The following CLIC1 variants were observed in gnomAD, a reference collection of about 807,000 sequenced individuals.
The protein encoded by CLIC1 is CLIC family member 1.
A neutral mutation model predicts 26.4 loss-of-function variants in CLIC1; 16 were observed. The ratio of observed to expected loss-of-function variants is 0.61; its 90% CI spans 0.41 to 0.92. CLIC1 has a LOEUF of 0.92. CLIC1 is among the 40% of genes least tolerant of loss of function. The pLI, the probability that CLIC1 is intolerant of heterozygous loss-of-function variation, is 0.00. For synonymous variants in CLIC1, 98 were observed against 120.8 expected (o/e 0.81, Z 1.24); for missense variants, 225 against 289.7 (o/e 0.78, Z 1.62).
chr6:31,734,392 T>C lies in CLIC1; in HGVS notation c.40-129A>G. On this transcript the variant is annotated intron_variant, in intron 1 of 5. Coordinates refer to ENST00000375784, the Ensembl canonical transcript of CLIC1. The surrounding 1 kb of genome is among the most constrained non-coding windows in gnomAD (Gnocchi z 5.3). ...TGACACATACACTGTCCCCTCACTA[T>C]GGGCTCTTTGCCCTTGGGCCTGGGT... The C allele has an allele frequency of 1.4e-6, 1 of 703,804 alleles. No individual in the cohort carries two copies. Among genetic ancestry groups the C allele is most frequent in the South Asian group, 1.7e-5 (1 of 59,122 alleles). 43.6% of individuals were successfully genotyped at this position (703,804 alleles called of 1,614,324 possible).
rs112920134 is a variant in CLIC1 at position 31,733,019 on chromosome 6, G to C, written c.382+547C>G. Among the ~76,000 whole-genome samples the C allele has an allele frequency of 0.025, 3,852 of 151,910 alleles. 113 individuals carry two copies. The highest frequency in any genetic ancestry group is 0.075 in the African/African-American group (3,099 of 41,402). On this transcript the variant is annotated intron_variant, in intron 4 of 5. Coordinates refer to ENST00000375784, the Ensembl canonical transcript of CLIC1. The surrounding 1 kb of genome is among the most constrained non-coding windows in gnomAD (Gnocchi z 5.4). ...CGTCTGTAATCCCAGCTACTCAGGA[G>C]GCTGAGGCAGGAGAATTGCTTGAAC...
At chr6:31,736,666 G>C, upstream of CLIC1, 1 of 1,100,532 alleles carries the variant, frequency 9.1e-7, no homozygotes, top group South Asian at 3.2e-5. The surrounding 1 kb of genome is among the most constrained non-coding windows in gnomAD (Gnocchi z 5.0). Context: ...GGGTGTTAAG[G>C]AGGAGTCCTG....
upstream of CLIC1, chr6:31,736,583 G>A (rs531821593): frequency 4.5e-6 from 6 of 1,328,726 alleles, no homozygotes; most frequent in African/African-American, 4.4e-5. The surrounding 1 kb of genome is among the most constrained non-coding windows in gnomAD (Gnocchi z 5.0). Flanking sequence ...GGGACTGGAG[G>A]GGGGCGGGAC....
In CLIC1 at chr6:31,736,415, T is replaced by A; in HGVS notation, c.-115A>T. On this transcript the variant is annotated 5_prime_UTR_variant, in exon 1 of 6. Transcript: ENST00000375784. The surrounding 1 kb of genome is among the most constrained non-coding windows in gnomAD (Gnocchi z 5.0). ...CTCCCCTAGACCCAGGGCTGTCCCT[T>A]CAGCACAACACAAGCTCAATCAGAC... 7.7e-6 allele frequency: 12 copies of A among 1,567,976 alleles called. No individual in the cohort carries two copies. Among genetic ancestry groups the A allele is most frequent in the African/African-American group, 1.3e-5 (1 of 74,198 alleles).
chr6:31,733,514 T>C lies in CLIC1; in HGVS notation c.382+52A>G. Reference sequence around the variant, plus strand: ...GGTGCCCCTAATGTCTCCTACCCGCTGGGTCCTCTCTATTCCTCCCAGGAC... The same window carrying C: ...GGTGCCCCTAATGTCTCCTACCCGCCGGGTCCTCTCTATTCCTCCCAGGAC... On this transcript the variant is annotated intron_variant, in intron 4 of 5. Transcript: ENST00000375784. The surrounding 1 kb of genome is among the most constrained non-coding windows in gnomAD (Gnocchi z 5.4). 4 of 1,350,450 alleles carry C rather than the reference T, an allele frequency of 3.0e-6. No homozygotes were observed. The highest frequency in any genetic ancestry group is 2.3e-5 in the South Asian group (2 of 85,416). The allele number at this position is 1,350,450 out of a possible 1,614,324, so 83.7% of individuals were successfully genotyped here.
At chr6:31,735,833 A>ACACACACAC (rs1044097055) in intron 1 of CLIC1, among the ~76,000 whole-genome samples, 3 of 150,810 alleles carry the variant, frequency 2.0e-5, no homozygotes, top group Non-Finnish European at 3.0e-5. Flanking sequence ...ACACACACAC[A>ACACACACAC]CACACACACA....
intron 5 of CLIC1, among the ~76,000 whole-genome samples, chr6:31,731,711 A>G (rs1807962939): frequency 6.6e-6 from 1 of 152,216 alleles, no homozygotes; most frequent in African/African-American, 2.4e-5. Context: ...GTATCTTTCA[A>G]TGCTTAGTAC....
upstream of CLIC1, chr6:31,736,669 G>A (rs1055133553): frequency 6.4e-6 from 7 of 1,097,636 alleles, no homozygotes; most frequent in African/African-American, 8.1e-5. This position sits in a 1 kb window ranked among gnomAD's most constrained non-coding sequence, Gnocchi z 5.0. Flanking sequence ...TGTTAAGGAG[G>A]AGTCCTGAAA....
chr6:31,733,619 A>G lies in CLIC1; in HGVS notation c.329T>C (p.Ile110Thr), dbSNP rs1011202939. 2 of 1,613,058 alleles carry G rather than the reference A, an allele frequency of 1.2e-6. No individual in the cohort carries two copies. The highest frequency in any genetic ancestry group is 1.7e-6 in the Non-Finnish European group (2 of 1,180,008). ...GATGTAGGCAGAAAATTTGGCAAAT[A>G]TGTCCAGCCCAGCTGTGTTGGACTC... The change falls in exon 4 of 6, where the codon ATA (isoleucine) becomes ACA (threonine). Residue 110 changes from isoleucine (I) to threonine (T), a missense_variant. Coordinates refer to ENST00000375784, the Ensembl canonical transcript of CLIC1. The surrounding 1 kb of genome is among the most constrained non-coding windows in gnomAD (Gnocchi z 5.4).
At position 31,733,875 on chromosome 6, in the gene CLIC1, T is replaced by A. The variant is rs1562198336; in HGVS notation, c.236A>T (p.Lys79Met). Residue 79 changes from lysine to methionine, a missense_variant, in exon 3 of 6, where the codon AAG becomes ATG. Physicochemically the swap from Lys to Met is moderately conservative, Grantham distance 95. Coordinates refer to ENST00000375784, the Ensembl canonical transcript of CLIC1. The surrounding 1 kb of genome is among the most constrained non-coding windows in gnomAD (Gnocchi z 5.4). ...CACTGCCTCCAGAAATTCCTCAATC[T>A]TGTTGGTGTCTGTGTGCACTTCAGT... 1 of 1,614,110 alleles carries A rather than the reference T, an allele frequency of 6.2e-7. No individual in the cohort carries two copies. Among genetic ancestry groups the A allele is most frequent in the Non-Finnish European group, 8.5e-7 (1 of 1,180,024 alleles).
chr6:31,735,850 C>CACACACACACA (rs1808298031), intron 1 of CLIC1, among the ~76,000 whole-genome samples: 1 of 148,112 alleles, frequency 6.8e-6, no homozygotes, highest in African/African-American at 2.5e-5. Flanking sequence ...CACACACACA[C>CACACACACACA]CTCTCCTACT....
At chr6:31,736,816 G>T (rs1405874253), upstream of CLIC1, 10 of 988,322 alleles carry the variant, frequency 1.0e-5, no homozygotes, top group Non-Finnish European at 1.2e-5. The surrounding 1 kb of genome is among the most constrained non-coding windows in gnomAD (Gnocchi z 5.0). Context: ...CACCCGTGAA[G>T]ATTCAGGGAT....
At position 31,734,167 on chromosome 6, in the gene CLIC1, C is replaced by A; in HGVS notation, c.136G>T (p.Val46Phe). Residue 46 changes from valine to phenylalanine, a missense_variant, in exon 2 of 6, where the codon GTT (valine) becomes TTT (phenylalanine). Val to Phe is a conservative substitution (Grantham distance 50, BLOSUM62 -1). Transcript: ENST00000375784. This position sits in a 1 kb window ranked among gnomAD's most constrained non-coding sequence, Gnocchi z 5.3. The stretch of plus-strand genomic sequence containing the variant: ...AAGCAGGCCTACCTTTTGGTGTCAA[C>A]GGTGGTAACATTGAAGGTGACTCCC... 6.2e-7 allele frequency: 1 copy of A among 1,612,960 alleles called. No homozygotes were observed. Among genetic ancestry groups the A allele is most frequent in the African/African-American group, 1.3e-5 (1 of 75,026 alleles).
In CLIC1 at chr6:31,734,410, G is replaced by T; in HGVS notation, c.40-147C>A. On this transcript the variant is annotated intron_variant, in intron 1 of 5. Coordinates refer to ENST00000375784, the Ensembl canonical transcript of CLIC1. The surrounding 1 kb of genome is among the most constrained non-coding windows in gnomAD (Gnocchi z 5.3). Reference sequence around the variant, plus strand: ...CTCACTATGGGCTCTTTGCCCTTGGGCCTGGGTCAAACCTAAGGCAGATCA... The same window carrying T: ...CTCACTATGGGCTCTTTGCCCTTGGTCCTGGGTCAAACCTAAGGCAGATCA... The T allele has an allele frequency of 1.5e-6, 1 of 669,592 alleles. No individual in the cohort carries two copies. The highest frequency in any genetic ancestry group is 2.6e-6 in the Non-Finnish European group (1 of 383,380). The allele number at this position is 669,592 out of a possible 1,614,324, so 41.5% of individuals were successfully genotyped here. A position where few individuals can be genotyped will look rare whatever the true frequency, so the allele number is the denominator to read the frequency against.
Position 31,733,745 on chromosome 6 carries a change from CCCA to C in CLIC1, c.276-76_276-74del, listed in dbSNP as rs2151317991. ...CCTCAGCTAGCTCTCCTGCCCCAGCCCCACCACCATCTCTGTTTTCCATTTCTG... is the reference window on the plus strand; with the variant it reads ...CCTCAGCTAGCTCTCCTGCCCCAGCCCCACCATCTCTGTTTTCCATTTCTG... On this transcript the variant is annotated intron_variant, in intron 3 of 5. Transcript: ENST00000375784. The surrounding 1 kb of genome is among the most constrained non-coding windows in gnomAD (Gnocchi z 5.4). 6.2e-7 allele frequency: 1 copy of C among 1,604,184 alleles called. No homozygotes were observed. The highest frequency in any genetic ancestry group is 1.1e-5 in the South Asian group (1 of 90,934).
rs552243074 is a variant in CLIC1 at position 31,732,959 on chromosome 6, T to C, written c.383-561A>G. Among the ~76,000 whole-genome samples the C allele has an allele frequency of 7.3e-5, 11 of 151,468 alleles. No homozygotes were observed. Among genetic ancestry groups the C allele is most frequent in the African/African-American group, 2.7e-4 (11 of 41,318 alleles). On this transcript the variant is annotated intron_variant, in intron 4 of 5. Transcript: ENST00000375784. The surrounding 1 kb of genome is among the most constrained non-coding windows in gnomAD (Gnocchi z 5.0). ...CAACATGGTGAAACCCTGTCTCTAC[T>C]AAAAATACAAAAATTAGCTGGGCGT...
Position 31,733,767 on chromosome 6 carries a change from A to G in CLIC1, c.275+69T>C, listed in dbSNP as rs1193284777. 1.2e-6 allele frequency: 2 copies of G among 1,606,704 alleles called. No individual in the cohort carries two copies. Among genetic ancestry groups the G allele is most frequent in the Admixed American group, 1.7e-5 (1 of 59,912 alleles). ...AGCCCCACCACCATCTCTGTTTTCC[A>G]TTTCTGCAAACTGTCTGTTTCCCAG... On this transcript the variant is annotated intron_variant, in intron 3 of 5. Transcript: ENST00000375784. The surrounding 1 kb of genome is among the most constrained non-coding windows in gnomAD (Gnocchi z 5.4).
upstream of CLIC1, chr6:31,736,972 C>T: frequency 1.0e-6 from 1 of 985,360 alleles, no homozygotes; most frequent in Non-Finnish European, 1.2e-6. This position sits in a 1 kb window ranked among gnomAD's most constrained non-coding sequence, Gnocchi z 5.0. Context: ...GTTAGCCATG[C>T]AGCCTGGGAT....
At position 31,732,447 on chromosome 6, in the gene CLIC1, G is replaced by C; in HGVS notation, c.383-49C>G. 1 of 1,360,982 alleles carries C rather than the reference G, an allele frequency of 7.3e-7. No homozygotes were observed. The allele number at this position is 1,360,982 out of a possible 1,614,324, so 84.3% of individuals were successfully genotyped here. A position where few individuals can be genotyped will look rare whatever the true frequency, so the allele number is the denominator to read the frequency against. ...AGAACTTCAGGAAAAGATTGACATA[G>C]TCCGAAAAGGCCCGTTGGGGGTGGA... On this transcript the variant is annotated intron_variant, in intron 4 of 5. Transcript: ENST00000375784. The surrounding 1 kb of genome is among the most constrained non-coding windows in gnomAD (Gnocchi z 5.0).
Sources: allele counts gnomAD v4.1 joint callset (sites outside exome capture counted in the v4.1 genomes callset), GRCh38; gene constraint gnomAD v4.1.1; non-coding constraint Gnocchi (gnomAD v3.1); transcripts MANE v1.5; gene names NCBI Gene and HGNC (gene_info 2026-07-23, HGNC 2026-07-21).